The following ZNF418 variants were observed in gnomAD, a reference collection of about 807,000 sequenced individuals.
The protein encoded by ZNF418 is zinc finger protein 418.
ZNF418 carries 32 observed loss-of-function variants against 32.0 expected under a neutral mutation model. The observed-to-expected ratio is 1.00, with a 90% confidence interval of 0.75 to 1.34. The LOEUF is 1.34. ZNF418 is among the 40% of genes most tolerant of loss of function. ZNF418 has a pLI of 0.00. For missense variants in ZNF418, 804 were observed against 812.5 expected (o/e 0.99, Z 0.13); for synonymous variants, 276 against 270.7 (o/e 1.02, Z -0.19).
chr19:57,933,916 G>A lies in ZNF418; in HGVS notation c.-80-14C>T. ...GCCAGATGATGCCTGCAGACAAATG[G>A]GACTGTGGTAACATCACCTCCTCGC... is the stretch of plus-strand genomic sequence containing the variant. On this transcript the variant is annotated splice_polypyrimidine_tract_variant and intron_variant, in intron 1 of 5. Transcript: ENST00000396147. 6.2e-7 allele frequency: 1 copy of A among 1,612,084 alleles called. No individual in the cohort carries two copies. Among genetic ancestry groups the A allele is most frequent in the Middle Eastern group, 1.7e-4 (1 of 6,060 alleles).
In ZNF418 at chr19:57,922,905, T is replaced by C. The variant is rs148687647; in HGVS notation, c.*626-276A>G. ...TCCCTAGCAACTTGGGAGGCTGAGG[T>C]GGGAGGATGACTTGAGTCCAGCAGG... On this transcript the variant is annotated intron_variant, in intron 5 of 5. Transcript: ENST00000396147. Among the ~76,000 whole-genome samples the C allele has an allele frequency of 1.1e-3, 157 of 145,690 alleles. 1 individual carries two copies. Among genetic ancestry groups the C allele is most frequent in the African/African-American group, 3.8e-3 (150 of 39,070 alleles).
rs200129660 is a variant in ZNF418, at chr19:57,927,013, G to A, written c.1168C>T (p.Arg390Ter). 302 of 1,613,758 alleles carry A rather than the reference G, an allele frequency of 1.9e-4. 3 individuals carry two copies. The South Asian group carries it at 2.5e-3, about 14-fold the overall frequency. Residue 390 changes from arginine (R) to a stop codon, truncating the protein, a stop_gained, in exon 4 of 6, where the codon CGA becomes TGA. Transcript: ENST00000396147. LOFTEE classifies it low-confidence loss of function (END_TRUNC). ...TAAGGTCGTTCTCTAGTGTGAACTC[G>A]ATGATGTTCAGTTAGGGTGCCCTTT... ...SQKGTLTEHH[R>*]VHTRERPYEC...
chr19:57,935,258 T>C lies in ZNF418; in HGVS notation c.-178A>G. On this transcript the variant is annotated 5_prime_UTR_variant, in exon 1 of 6. Transcript: ENST00000396147. ...GCCGTTACGGGGCCTAAGATCTGCC[T>C]CTGTGCAGCAAGAAGGACTCTTCAC... The C allele has an allele frequency of 8.4e-7, 1 of 1,188,208 alleles. No homozygotes were observed. Among genetic ancestry groups the C allele is most frequent in the Non-Finnish European group, 1.1e-6 (1 of 943,856 alleles). 73.6% of individuals were successfully genotyped at this position (1,188,208 alleles called of 1,614,324 possible). A position where few individuals can be genotyped will look rare whatever the true frequency, so the allele number is the denominator to read the frequency against.
intron 3 of ZNF418, among the ~76,000 whole-genome samples, chr19:57,930,173 T>G (rs1004628288): frequency 6.6e-6 from 1 of 152,024 alleles, no homozygotes; most frequent in Non-Finnish European, 1.5e-5. Context: ...CAAGGTGAAA[T>G]GCATTAGATT....
rs563764337 is a variant in ZNF418 at position 57,933,081 on chromosome 19, T to C, written c.6+736A>G. Among the ~76,000 whole-genome samples the C allele has an allele frequency of 4.6e-5, 7 of 152,216 alleles. No individual in the cohort carries two copies. In the South Asian group the frequency reaches 1.2e-3, roughly 27 times the overall value. ...CCCCACAAAAGATTTACCATGAAAATTTGAAGTGTGTCAATGTCATAATGG... is the reference window on the plus strand; with the variant it reads ...CCCCACAAAAGATTTACCATGAAAACTTGAAGTGTGTCAATGTCATAATGG... On this transcript the variant is annotated intron_variant, in intron 2 of 5. Coordinates refer to ENST00000396147, the MANE Select transcript of ZNF418 (RefSeq NM_133460.3).
chr19:57,934,990 C>T, intron 1 of ZNF418, 171 bp downstream of exon 1: 1 of 1,427,822 alleles, frequency 7.0e-7, no homozygotes, highest in Non-Finnish European at 9.2e-7. Context: ...CTGTGCCTGT[C>T]GCTCTCCCCA....
At chr19:57,922,720 C>T in intron 5 of ZNF418, 91 bp from the exon 6 acceptor site, 1 of 396,016 alleles carries the variant, frequency 2.5e-6, no homozygotes, top group Non-Finnish European at 4.5e-6. Context: ...CAAAAGCATG[C>T]CAGGCACAGT....
intron 4 of ZNF418, among the ~76,000 whole-genome samples, chr19:57,924,130 C>A (rs1010660524): frequency 6.7e-6 from 1 of 150,168 alleles, no homozygotes; most frequent in African/African-American, 2.5e-5. Context: ...CACAGAGCAA[C>A]ACCTTGTCTT....
intron 4 of ZNF418, among the ~76,000 whole-genome samples, chr19:57,925,393 G>T (rs1011548132): frequency 6.6e-6 from 1 of 151,798 alleles, no homozygotes; most frequent in African/African-American, 2.4e-5. Context: ...CCCGGGAGGC[G>T]GAGCTTGCAG....
In ZNF418 at chr19:57,927,190, T is replaced by G; in HGVS notation, c.991A>C (p.Lys331Gln). The G allele has an allele frequency of 1.2e-6, 2 of 1,613,510 alleles. No individual in the cohort carries two copies. The highest frequency in any genetic ancestry group is 2.2e-5 in the South Asian group (2 of 91,042). ...KSFSQNGTLI[K>Q]HQRVHTGERP... ...TCTCCAGTGTGAACTCGTTGATGTTTAATGAGAGTACCATTTTGACTAAAA... is the reference window on the plus strand; with the variant it reads ...TCTCCAGTGTGAACTCGTTGATGTTGAATGAGAGTACCATTTTGACTAAAA... The change falls in exon 4 of 6, where the codon AAA becomes CAA. Residue 331 changes from lysine to glutamine, a missense_variant. By Grantham distance (53) the Lys-to-Gln change is moderately conservative. Transcript: ENST00000396147.
Position 57,933,987 on chromosome 19 carries a change from G to T in ZNF418, c.-80-85C>A. The T allele has an allele frequency of 1.9e-6, 3 of 1,568,460 alleles. No individual in the cohort carries two copies. The South Asian group carries it at 3.5e-5, about 18-fold the overall frequency. Reference sequence around the variant, plus strand: ...GAATTTTTACCTCTAAGCATTTCATGACCTGGTACCAACTCTGTAGTTAAC... The same window carrying T: ...GAATTTTTACCTCTAAGCATTTCATTACCTGGTACCAACTCTGTAGTTAAC... On this transcript the variant is annotated intron_variant, in intron 1 of 5. Coordinates refer to ENST00000396147, the MANE Select transcript of ZNF418 (RefSeq NM_133460.3).
At chr19:57,932,045 G>T (rs750561439) in intron 2 of ZNF418, among the ~76,000 whole-genome samples, 2 of 152,228 alleles carry the variant, frequency 1.3e-5, no homozygotes, top group Non-Finnish European at 2.9e-5. Context: ...CATGGGGGTT[G>T]CACTGTGGAC....
At chr19:57,923,563 CACAT>C (rs1055725426) in intron 4 of ZNF418, among the ~76,000 whole-genome samples, 60 of 136,054 alleles carry the variant, frequency 4.4e-4, no homozygotes, top group Admixed American at 4.5e-4. Context: ...CACACACACA[CACAT>C]ATATACACAT....
At chr19:57,925,286 C>T (rs1021750421) in intron 4 of ZNF418, among the ~76,000 whole-genome samples, 2 of 151,996 alleles carry the variant, frequency 1.3e-5, no homozygotes, top group Non-Finnish European at 2.9e-5. Flanking sequence ...CGGAGAAACC[C>T]CATTTCTACT....
chr19:57,926,704 C>G lies in ZNF418; in HGVS notation c.1477G>C (p.Asp493His). The G allele has an allele frequency of 1.9e-6, 3 of 1,613,754 alleles. No homozygotes were observed. Among genetic ancestry groups the G allele is most frequent in the Non-Finnish European group, 2.5e-6 (3 of 1,179,952 alleles). ...TGATGAACACGAAACCCAGAGCTGT[C>G]TTGAAATGATTTCCCACATTCATTA... ...ECNECGKSFQ[D>H]SSGFRVHQRV... Residue 493 changes from aspartate to histidine, a missense_variant, in exon 4 of 6, where the codon GAC becomes CAC. Asp to His is a moderately conservative substitution (Grantham distance 81). Transcript: ENST00000396147.
chr19:57,926,338 G>A lies in ZNF418; in HGVS notation c.1843C>T (p.Arg615Ter), dbSNP rs1303439394. The A allele has an allele frequency of 4.3e-6, 7 of 1,610,770 alleles. No homozygotes were observed. In the East Asian group the frequency reaches 6.7e-5, roughly 15 times the overall value. ...TCGCTGCACTCGTAAGGCTTTCCTC[G>A]AGTATGAAGTCTCTGATGTTTAAAA... ...AHFKHQRLHT[R>*]GKPYECSECG... Residue 615 changes from arginine (R) to a stop codon, truncating the protein, a stop_gained, in exon 4 of 6, where the codon CGA becomes TGA. Coordinates refer to ENST00000396147, the MANE Select transcript of ZNF418 (RefSeq NM_133460.3). LOFTEE classifies it low-confidence loss of function (END_TRUNC).
intron 1 of ZNF418, chr19:57,934,915 G>A: frequency 2.3e-6 from 2 of 865,516 alleles, no homozygotes; most frequent in Middle Eastern, 3.7e-4. Flanking sequence ...TTCCCTACAG[G>A]CGCCTGTGGA....
intron 2 of ZNF418, among the ~76,000 whole-genome samples, chr19:57,932,974 T>C (rs2123059124): frequency 6.6e-6 from 1 of 152,300 alleles, no homozygotes; most frequent in East Asian, 1.9e-4. Context: ...TCATGAGCCC[T>C]TGCCTCCTTC....
At chr19:57,931,922 G>T (rs1014760769) in intron 2 of ZNF418, among the ~76,000 whole-genome samples, 2 of 152,200 alleles carry the variant, frequency 1.3e-5, no homozygotes, top group African/African-American at 2.4e-5. Context: ...CTCTGAGTGG[G>T]ATTCTCCCCT....
Sources: gnomAD v4.1 joint callset for allele counts (sites outside exome capture counted in the v4.1 genomes callset) on GRCh38, gnomAD v4.1.1 for gene constraint, MANE v1.5 for transcripts, NCBI Gene and HGNC (gene_info 2026-07-23, HGNC 2026-07-21) for gene names.